The following LRRC37A3 variants were observed in gnomAD, a reference collection of about 807,000 sequenced individuals.
LRRC37A3 encodes leucine rich repeat containing 37 member A3, also known as leucine-rich repeat-containing protein 37A3.
In LRRC37A3, 25 loss-of-function variants were observed where a neutral mutation model predicts 106.2. The ratio of observed to expected loss-of-function variants is 0.24; its 90% CI spans 0.17 to 0.33. The LOEUF (loss-of-function observed/expected upper bound fraction) is 0.33, where lower values mean the gene tolerates loss of function less well. Ranked by LOEUF, LRRC37A3 falls within the 10% of genes least tolerant of loss-of-function variation. The pLI is 1.00. For missense variants in LRRC37A3, 712 were observed against 1,644.9 expected, an observed-to-expected ratio of 0.43 and a Z score of 9.81; for synonymous variants, 305 against 635.8, an observed-to-expected ratio of 0.48 and a Z score of 7.83.
chr17:64,881,150 C>T (rs920203734), intron 8 of LRRC37A3: 1 of 700,840 alleles, frequency 1.4e-6, no homozygotes, highest in Non-Finnish European at 2.6e-6. Flanking sequence ...CACCAAGCTC[C>T]TCCATACAAG....
chr17:64,882,689 G>A (rs968835493), intron 8 of LRRC37A3, among the ~76,000 whole-genome samples: 4 of 150,974 alleles, frequency 2.6e-5, no homozygotes, highest in Non-Finnish European at 5.9e-5. Flanking sequence ...GTTTGTGACC[G>A]AAGCTCAATT....
intron 2 of LRRC37A3, among the ~76,000 whole-genome samples, chr17:64,915,918 C>G (rs1374292261): frequency 6.6e-6 from 1 of 151,486 alleles, no homozygotes. Context: ...GGCAACATAG[C>G]GAAACCCCAT....
At chr17:64,908,073 AT>A (rs1352544151) in intron 2 of LRRC37A3, among the ~76,000 whole-genome samples, 2 of 91,266 alleles carry the variant, frequency 2.2e-5, no homozygotes, top group Non-Finnish European at 4.4e-5. Flanking sequence ...AAAAGTGGGT[AT>A]AGTATACCTG....
At chr17:64,864,899 G>A (rs1973004716) in intron 10 of LRRC37A3, among the ~76,000 whole-genome samples, 2 of 152,152 alleles carry the variant, frequency 1.3e-5, no homozygotes, top group African/African-American at 4.8e-5. Context: ...TAAGACTGTG[G>A]AAACAGAAGA....
At chr17:64,882,776 G>A (rs1220938492) in intron 8 of LRRC37A3, among the ~76,000 whole-genome samples, 1 of 152,028 alleles carries the variant, frequency 6.6e-6, no homozygotes, top group African/African-American at 2.4e-5. Flanking sequence ...GATAAAGCCT[G>A]GATTTTCCTC....
Position 64,877,299 on chromosome 17 carries a change from T to TACTG in LRRC37A3, c.2907-8134_2907-8133insCAGT, listed in dbSNP as rs879353472. On this transcript the variant is annotated intron_variant, in intron 8 of 14. Coordinates refer to ENST00000584306, the MANE Select transcript of LRRC37A3 (RefSeq NM_199340.5). ...TTACTGCAACCTCCACCTCCCGGGT[T>TACTG]CAAGTGATTCTCCTACCTCAGCCTC... is the stretch of plus-strand genomic sequence containing the variant. Among the ~76,000 whole-genome samples, 245 of 152,296 alleles carry TACTG rather than the reference T, an allele frequency of 1.6e-3. 1 individual carries two copies. Among genetic ancestry groups the TACTG allele is most frequent in the Non-Finnish European group, 2.6e-3 (180 of 68,020 alleles).
chr17:64,906,655 T>C (rs2143609446), intron 2 of LRRC37A3, among the ~76,000 whole-genome samples: 1 of 149,570 alleles, frequency 6.7e-6, no homozygotes, highest in Non-Finnish European at 1.5e-5. Flanking sequence ...AATAAAACAA[T>C]GAGCAAGTAA....
At chr17:64,877,153 G>A (rs1973540095) in intron 8 of LRRC37A3, 1 of 152,138 alleles carries the variant, frequency 6.6e-6, no homozygotes, top group African/African-American at 2.4e-5. Context: ...TTGGGAGGCT[G>A]AAGCAGGTGG....
rs1972808101 is a variant in LRRC37A3 at position 64,859,853 on chromosome 17, T to G, written c.4293A>C (p.Ala1431=). 6.2e-7 allele frequency: 1 copy of G among 1,612,540 alleles called. No individual in the cohort carries two copies. Among genetic ancestry groups the G allele is most frequent in the African/African-American group, 1.3e-5 (1 of 74,846 alleles). ...HPPEADSAGT[A]FNLGPTVKQT... ...GTTTAACAGTTGGCCCTAAGTTGAATGCAGTCCCAGCGGAATCTGCCTCAG... is the reference window on the plus strand; with the variant it reads ...GTTTAACAGTTGGCCCTAAGTTGAAGGCAGTCCCAGCGGAATCTGCCTCAG... The change falls in exon 12 of 15, where the codon GCA becomes GCC. Residue 1431 remains alanine (A), a synonymous_variant. Transcript: ENST00000584306.
intron 10 of LRRC37A3, among the ~76,000 whole-genome samples, chr17:64,868,193 T>G (rs1973182754): frequency 6.6e-6 from 1 of 152,130 alleles, no homozygotes; most frequent in African/African-American, 2.4e-5. Context: ...GAAATCAGAT[T>G]AGTAGCTAAC....
chr17:64,917,717 G>A (rs1387730094), intron 2 of LRRC37A3, among the ~76,000 whole-genome samples: 4 of 151,976 alleles, frequency 2.6e-5, no homozygotes, highest in Non-Finnish European at 1.5e-5. Flanking sequence ...CTGTAATCCC[G>A]GCACTATGGG....
Position 64,910,534 on chromosome 17 carries a change from A to G in LRRC37A3, c.-496+8216T>C, listed in dbSNP as rs187374760. Among the ~76,000 whole-genome samples, 37 of 150,456 alleles carry G rather than the reference A, an allele frequency of 2.5e-4. 1 individual carries two copies. Reference sequence around the variant, plus strand: ...GATTGAACCCCAGAAACCACTGTAGATTTTTCAGAGTTGACTCCTACGTTT... The same window carrying G: ...GATTGAACCCCAGAAACCACTGTAGGTTTTTCAGAGTTGACTCCTACGTTT... On this transcript the variant is annotated intron_variant, in intron 2 of 14. Transcript: ENST00000584306.
chr17:64,865,468 T>A (rs1973033845), intron 10 of LRRC37A3, among the ~76,000 whole-genome samples: 3 of 152,258 alleles, frequency 2.0e-5, no homozygotes, highest in African/African-American at 7.2e-5. Context: ...CCCAACTTTT[T>A]ATTTTAAACA....
chr17:64,876,195 C>A (rs1031856629), intron 8 of LRRC37A3, among the ~76,000 whole-genome samples: 29 of 152,090 alleles, frequency 1.9e-4, no homozygotes, highest in Non-Finnish European at 3.5e-4. Context: ...TTTTACTGTT[C>A]ATTTTTCAAG....
chr17:64,856,622 T>C (rs1232251122), intron 13 of LRRC37A3, among the ~76,000 whole-genome samples: 3 of 150,784 alleles, frequency 2.0e-5, no homozygotes, highest in African/African-American at 7.4e-5. Flanking sequence ...TCTGAAGATG[T>C]GGACCTGCTG....
At chr17:64,905,122 A>T (rs1243315073) in intron 2 of LRRC37A3, among the ~76,000 whole-genome samples, 1 of 152,104 alleles carries the variant, frequency 6.6e-6, no homozygotes, top group Admixed American at 6.5e-5. Flanking sequence ...TTATTAAAGC[A>T]ATTTATTTAC....
chr17:64,855,756 C>T (rs1972655982), intron 14 of LRRC37A3, 84 bp downstream of exon 14: 11 of 1,594,934 alleles, frequency 6.9e-6, no homozygotes, highest in African/African-American at 2.7e-5. Flanking sequence ...GAGCCGAGAT[C>T]GCGTCATTGC....
chr17:64,871,732 G>A, intron 8 of LRRC37A3: 1 of 152,066 alleles, frequency 6.6e-6, no homozygotes, highest in East Asian at 1.9e-4. Context: ...GGACTCAAAG[G>A]ATCCTTCTTC....
chr17:64,878,412 G>T (rs1316448659), intron 8 of LRRC37A3, among the ~76,000 whole-genome samples: 1 of 152,196 alleles, frequency 6.6e-6, no homozygotes, highest in African/African-American at 2.4e-5. Context: ...CAGGATGAGA[G>T]AAAATATTGG....
Sources: gnomAD v4.1 joint callset for allele counts (sites outside exome capture counted in the v4.1 genomes callset) on GRCh38, gnomAD v4.1.1 for gene constraint, MANE v1.5 for transcripts, NCBI Gene and HGNC (gene_info 2026-07-23, HGNC 2026-07-21) for gene names.